Variants in SDK1 observed in about 807,000 individuals in gnomAD.
SDK1 encodes the protein protein sidekick-1.
SDK1 carries 157 observed loss-of-function variants against 245.5 expected under a neutral mutation model. That is an observed-to-expected ratio of 0.64 (90% CI 0.56 to 0.73). The LOEUF (loss-of-function observed/expected upper bound fraction) is 0.73, where lower values mean the gene tolerates loss of function less well. Ranked by LOEUF, SDK1 falls within the 30% of genes least tolerant of loss-of-function variation. The pLI is 0.00. For missense variants in SDK1, 3,583 were observed against 3,002.3 expected, an observed-to-expected ratio of 1.19 and a Z score of -4.52; for synonymous variants, 1,647 against 1,278.5, an observed-to-expected ratio of 1.29 and a Z score of -6.15.
At chr7:3,654,377 TC>T (rs1783098795) in intron 4 of SDK1, among the ~76,000 whole-genome samples, 1 of 152,150 alleles carries the variant, frequency 6.6e-6, no homozygotes, top group Non-Finnish European at 1.5e-5. Flanking sequence ...GCTGATGAGC[TC>T]CCTGTCACCG....
intron 1 of SDK1, among the ~76,000 whole-genome samples, chr7:3,363,494 G>A (rs1205379746): frequency 6.6e-6 from 1 of 151,990 alleles, no homozygotes; most frequent in Non-Finnish European, 1.5e-5. Context: ...TCAGTTGTTG[G>A]CTTGTATGTT....
chr7:3,528,015 G>T (rs1408555009), intron 1 of SDK1, among the ~76,000 whole-genome samples: 2 of 142,006 alleles, frequency 1.4e-5, no homozygotes, highest in Admixed American at 1.4e-4. Flanking sequence ...GTTGAGTGGT[G>T]GGAAGTAATG....
At chr7:3,941,438 C>T (rs773869288) in intron 5 of SDK1, among the ~76,000 whole-genome samples, 5 of 152,052 alleles carry the variant, frequency 3.3e-5, no homozygotes, top group Non-Finnish European at 5.9e-5. Context: ...CCTCCGTGGC[C>T]AGCTGTGGCC....
chr7:3,494,877 C>T (rs1347806526), intron 1 of SDK1, among the ~76,000 whole-genome samples: 1 of 152,218 alleles, frequency 6.6e-6, no homozygotes, highest in African/African-American at 2.4e-5. Context: ...TTTCTTTACA[C>T]TTCTGCTCCC....
chr7:3,961,934 TACAC>T (rs773693223), intron 8 of SDK1, among the ~76,000 whole-genome samples: 5 of 152,008 alleles, frequency 3.3e-5, no homozygotes, highest in Admixed American at 2.6e-4. Context: ...CACACACATA[TACAC>T]ACACGCACAT....
intron 22 of SDK1, among the ~76,000 whole-genome samples, chr7:4,080,717 G>T (rs558644861): frequency 1.3e-5 from 2 of 152,084 alleles, no homozygotes; most frequent in South Asian, 4.1e-4. Flanking sequence ...TGGCGTTGAG[G>T]GGGTGGGGAG....
intron 5 of SDK1, among the ~76,000 whole-genome samples, chr7:3,842,686 C>T (rs1180851482): frequency 6.6e-6 from 1 of 152,098 alleles, no homozygotes; most frequent in Non-Finnish European, 1.5e-5. Context: ...TCTGGGGTAC[C>T]ATGACACCAG....
intron 35 of SDK1, among the ~76,000 whole-genome samples, chr7:4,193,209 A>AAT (rs567823054): frequency 3.9e-5 from 5 of 128,230 alleles, no homozygotes; most frequent in Admixed American, 2.5e-4. Context: ...TTTATATATT[A>AAT]ATATATATAT....
At chr7:3,651,099 G>C (rs1783000190) in intron 4 of SDK1, among the ~76,000 whole-genome samples, 1 of 150,616 alleles carries the variant, frequency 6.6e-6, no homozygotes, top group African/African-American at 2.4e-5. Context: ...TGGAATGACT[G>C]GGCTGTATGG....
chr7:4,141,201 A>G (rs1779562873), intron 28 of SDK1, among the ~76,000 whole-genome samples: 1 of 152,236 alleles, frequency 6.6e-6, no homozygotes, highest in Non-Finnish European at 1.5e-5. Flanking sequence ...AAGCCTGTGT[A>G]GTCTGCGGCA....
intron 32 of SDK1, among the ~76,000 whole-genome samples, chr7:4,162,366 G>GTTGTTGTTA (rs1554248476): frequency 1.8e-5 from 2 of 108,980 alleles, no homozygotes; most frequent in Non-Finnish European, 1.9e-5. Context: ...GGTTGTTGTT[G>GTTGTTGTTA]TTGTTATTAT....
chr7:3,807,217 G>C (rs897966159), intron 4 of SDK1, among the ~76,000 whole-genome samples: 13 of 152,118 alleles, frequency 8.5e-5, no homozygotes, highest in African/African-American at 3.1e-4. Flanking sequence ...CCTCTTATTA[G>C]CGGGACTGAC....
chr7:4,065,710 T>G (rs979470182), intron 19 of SDK1, among the ~76,000 whole-genome samples: 4 of 83,156 alleles, frequency 4.8e-5, no homozygotes, highest in African/African-American at 2.6e-4. Flanking sequence ...TTTTTTTTTT[T>G]TTTTTTTTTT....
At chr7:3,686,361 C>T (rs745457798) in intron 4 of SDK1, among the ~76,000 whole-genome samples, 9 of 152,324 alleles carry the variant, frequency 5.9e-5, no homozygotes, top group Non-Finnish European at 1.2e-4. Flanking sequence ...CAGCCATAAG[C>T]CACCATGCCT....
intron 1 of SDK1, among the ~76,000 whole-genome samples, chr7:3,554,673 G>A (rs979253824): frequency 4.6e-5 from 7 of 152,212 alleles, no homozygotes; most frequent in African/African-American, 1.2e-4. Flanking sequence ...AGGAGAGATA[G>A]TCTTCAATCA....
intron 17 of SDK1, among the ~76,000 whole-genome samples, chr7:4,024,136 G>T (rs1787148545): frequency 6.6e-6 from 1 of 152,052 alleles, no homozygotes; most frequent in Admixed American, 6.6e-5. Context: ...TCTGGTTTCA[G>T]AACATTACCT....
intron 5 of SDK1, among the ~76,000 whole-genome samples, chr7:3,904,474 G>A (rs1161301683): frequency 5.3e-5 from 8 of 151,804 alleles, no homozygotes; most frequent in Non-Finnish European, 2.9e-5. Flanking sequence ...TGGGAGGATC[G>A]CTTGAGTCCA....
intron 17 of SDK1, among the ~76,000 whole-genome samples, chr7:4,042,048 G>A (rs143035127): frequency 0.013 from 1,713 of 136,228 alleles, 260 homozygotes; most frequent in Non-Finnish European, 0.018. Flanking sequence ...TCTTGACCTC[G>A]TGATCCACCC....
chr7:4,180,601 C>G (rs1013989639), intron 35 of SDK1, among the ~76,000 whole-genome samples: 3 of 152,236 alleles, frequency 2.0e-5, no homozygotes, highest in African/African-American at 7.2e-5. Context: ...TTCCTTCTCA[C>G]ACTGCTGTAA....
Sources: allele counts gnomAD v4.1 joint callset (sites outside exome capture counted in the v4.1 genomes callset), GRCh38; gene constraint gnomAD v4.1.1; transcripts MANE v1.5; gene names NCBI Gene and HGNC (gene_info 2026-07-23, HGNC 2026-07-21).